Variants in RASAL2 observed in about 807,000 individuals in gnomAD.
RASAL2 encodes the protein RAS protein activator like 2.
A neutral mutation model predicts 128.9 loss-of-function variants in RASAL2; 58 were observed. The observed-to-expected ratio is 0.45, with a 90% CI of 0.36 to 0.56. The LOEUF (loss-of-function observed/expected upper bound fraction) is 0.56, where lower values mean the gene tolerates loss of function less well. Ranked by LOEUF, RASAL2 falls within the 20% of genes least tolerant of loss-of-function variation. The pLI is 0.00. For missense variants in RASAL2, 1,360 were observed against 1,601.6 expected (o/e 0.85, Z 2.57); for synonymous variants, 561 against 580.8 (o/e 0.97, Z 0.49).
At chr1:178,226,995 A>G (rs1459770735) in intron 1 of RASAL2, among the ~76,000 whole-genome samples, 1 of 152,130 alleles carries the variant, frequency 6.6e-6, no homozygotes, top group Non-Finnish European at 1.5e-5. Context: ...AGCTGAAGCA[A>G]GCTACATAAG....
At chr1:178,451,790 T>C (rs1184015393) in intron 10 of RASAL2, 75 bp downstream of exon 10, 1 of 1,488,140 alleles carries the variant, frequency 6.7e-7, no homozygotes, top group Non-Finnish European at 9.0e-7. Flanking sequence ...TTTTTTCATG[T>C]AAAAGTCATC....
At chr1:178,387,702 A>G (rs1672666675) in intron 3 of RASAL2, among the ~76,000 whole-genome samples, 1 of 152,028 alleles carries the variant, frequency 6.6e-6, no homozygotes, top group African/African-American at 2.4e-5. Context: ...AAGGACATGA[A>G]CTCATCATTT....
chr1:178,129,465 T>C (rs866174180), intron 1 of RASAL2, among the ~76,000 whole-genome samples: 3 of 152,146 alleles, frequency 2.0e-5, no homozygotes, highest in Admixed American at 6.5e-5. Context: ...ATGAATTGTA[T>C]GAATTCTTTA....
At chr1:178,397,911 C>A (rs2102641218) in intron 4 of RASAL2, among the ~76,000 whole-genome samples, 1 of 151,994 alleles carries the variant, frequency 6.6e-6, no homozygotes, top group African/African-American at 2.4e-5. Context: ...TCACCATGCC[C>A]AGCAGAGTTG....
intron 5 of RASAL2, among the ~76,000 whole-genome samples, chr1:178,422,089 ACT>A (rs1675183659): frequency 6.6e-6 from 1 of 151,904 alleles, no homozygotes; most frequent in African/African-American, 2.4e-5. Flanking sequence ...AATTTCTTAA[ACT>A]CTGCAGCATC....
At position 178,162,450 on chromosome 1, in the gene RASAL2, TAATATTAA is replaced by T. The variant is rs1331166262; in HGVS notation, c.202+67758_202+67765del. Among the ~76,000 whole-genome samples the T allele has an allele frequency of 7.1e-4, 88 of 123,598 alleles. 1 individual carries two copies. The highest frequency in any genetic ancestry group is 2.6e-3 in the African/African-American group (82 of 31,884). 81.1% of individuals were successfully genotyped at this position (123,598 alleles called of 152,430 possible). On this transcript the variant is annotated intron_variant, in intron 1 of 17. Coordinates refer to ENST00000367649, the MANE Select transcript of RASAL2 (RefSeq NM_170692.4). ...ATATATATTTTATATATAATATATA[TAATATTAA>T]ATATATTTTATATATTTATATTTTA...
chr1:178,449,666 A>G (rs776660506), intron 9 of RASAL2, among the ~76,000 whole-genome samples: 1 of 152,046 alleles, frequency 6.6e-6, no homozygotes, highest in Non-Finnish European at 1.5e-5. Context: ...TCCTTTCAAT[A>G]TGGTACATTC....
intron 1 of RASAL2, among the ~76,000 whole-genome samples, chr1:178,207,998 T>A (rs1367635679): frequency 6.6e-6 from 1 of 152,196 alleles, no homozygotes; most frequent in East Asian, 1.9e-4. Flanking sequence ...TCCCAAATAA[T>A]ACTTTTATAA....
chr1:178,246,206 AT>A (rs986009604), intron 1 of RASAL2, among the ~76,000 whole-genome samples: 1 of 152,090 alleles, frequency 6.6e-6, no homozygotes, highest in South Asian at 2.1e-4. Flanking sequence ...TGAGCATGGA[AT>A]TTTTTTCCAT....
chr1:178,349,119 T>C (rs1670316319), intron 3 of RASAL2, among the ~76,000 whole-genome samples: 1 of 151,266 alleles, frequency 6.6e-6, no homozygotes, highest in Admixed American at 6.6e-5. Flanking sequence ...TTTATTTTCA[T>C]GTTGAAAGTT....
chr1:178,183,717 T>G (rs1268642474), intron 1 of RASAL2, among the ~76,000 whole-genome samples: 2 of 152,228 alleles, frequency 1.3e-5, no homozygotes, highest in African/African-American at 4.8e-5. Context: ...TTGAGGGACA[T>G]TTTTGTTGCT....
intron 1 of RASAL2, among the ~76,000 whole-genome samples, chr1:178,130,911 G>A (rs1441542133): frequency 2.0e-5 from 3 of 152,054 alleles, no homozygotes; most frequent in East Asian, 1.9e-4. Flanking sequence ...AAAATTAGCC[G>A]GGCGCGGTGG....
chr1:178,356,876 G>A (rs964446943), intron 3 of RASAL2, among the ~76,000 whole-genome samples: 3 of 152,054 alleles, frequency 2.0e-5, no homozygotes, highest in African/African-American at 4.8e-5. Context: ...TAAAATAAAG[G>A]CATATATTGA....
chr1:178,287,203 A>G (rs1008041563), intron 2 of RASAL2, among the ~76,000 whole-genome samples: 2 of 151,528 alleles, frequency 1.3e-5, no homozygotes, highest in Admixed American at 1.3e-4. Context: ...CCCAGTATCT[A>G]TGCAGCTTAA....
At chr1:178,309,493 G>A (rs1490442276) in intron 3 of RASAL2, among the ~76,000 whole-genome samples, 1 of 152,096 alleles carries the variant, frequency 6.6e-6, no homozygotes, top group Non-Finnish European at 1.5e-5. Context: ...TTTTGGTTGA[G>A]TAGTTTTGGG....
At chr1:178,227,509 A>C (rs1663837311) in intron 1 of RASAL2, among the ~76,000 whole-genome samples, 1 of 152,148 alleles carries the variant, frequency 6.6e-6, no homozygotes, top group South Asian at 2.1e-4. Context: ...AACACCTTAC[A>C]TTTTCCCCTT....
intron 5 of RASAL2, among the ~76,000 whole-genome samples, chr1:178,429,409 T>G (rs558149176): frequency 6.6e-6 from 1 of 152,234 alleles, no homozygotes; most frequent in East Asian, 1.9e-4. Flanking sequence ...TCACAACTTC[T>G]TTCAAAAATT....
intron 1 of RASAL2, among the ~76,000 whole-genome samples, chr1:178,223,679 T>C (rs911518647): frequency 1.4e-4 from 21 of 152,142 alleles, no homozygotes; most frequent in Non-Finnish European, 2.2e-4. Flanking sequence ...GAAAAATGTT[T>C]TTTGGTGGTC....
At chr1:178,395,036 T>A (rs1673129540) in intron 4 of RASAL2, among the ~76,000 whole-genome samples, 1 of 152,162 alleles carries the variant, frequency 6.6e-6, no homozygotes, top group South Asian at 2.1e-4. Context: ...TAAGTGTTTT[T>A]CCAAGTTAAA....
Sources: allele counts gnomAD v4.1 joint callset (sites outside exome capture counted in the v4.1 genomes callset), GRCh38; gene constraint gnomAD v4.1.1; transcripts MANE v1.5; gene names NCBI Gene and HGNC (gene_info 2026-07-23, HGNC 2026-07-21).